NDUFAF6: variants seen among roughly 807,000 people sequenced by gnomAD.
NDUFAF6 encodes the protein NADH dehydrogenase (ubiquinone) complex I, assembly factor 6.
In NDUFAF6, 45 loss-of-function variants were observed where a neutral mutation model predicts 40.8. That is an observed-to-expected ratio of 1.10 (90% confidence interval 0.87 to 1.42). The LOEUF (loss-of-function observed/expected upper bound fraction) is 1.42. Ranked by LOEUF, NDUFAF6 falls within the 40% of genes most tolerant of loss-of-function variation. The pLI is 0.00. For missense variants in NDUFAF6, 435 were observed against 418.5 expected (o/e 1.04, Z -0.34); for synonymous variants, 185 against 155.9 (o/e 1.19, Z -1.39).
chr8:95,054,613 T>C (rs1405483800), intron 8 of NDUFAF6, among the ~76,000 whole-genome samples: 1 of 152,054 alleles, frequency 6.6e-6, no homozygotes, highest in African/African-American at 2.4e-5. Context: ...TTTTATATTT[T>C]TAGTAGAGGA....
chr8:95,089,756 C>T (rs1809188091), intron 2 of NDUFAF6, among the ~76,000 whole-genome samples: 1 of 152,174 alleles, frequency 6.6e-6, no homozygotes, highest in Non-Finnish European at 1.5e-5. Flanking sequence ...GCCCAGTGGT[C>T]ATCTGCACTT....
intron 2 of NDUFAF6, among the ~76,000 whole-genome samples, chr8:94,987,865 T>C (rs1826003205): frequency 6.6e-6 from 1 of 152,260 alleles, no homozygotes; most frequent in African/African-American, 2.4e-5. Context: ...TGGTGTTTAA[T>C]TCCAATGCTT....
At chr8:95,109,688 T>C (rs572343153) in intron 4 of NDUFAF6, among the ~76,000 whole-genome samples, 1 of 152,206 alleles carries the variant, frequency 6.6e-6, no homozygotes, top group African/African-American at 2.4e-5. Context: ...TGACCTCTTC[T>C]TATATCATCA....
chr8:95,100,237 C>T (rs1391770986), upstream of NDUFAF6, among the ~76,000 whole-genome samples: 4 of 149,624 alleles, frequency 2.7e-5, no homozygotes, highest in African/African-American at 9.9e-5. Flanking sequence ...AAGTGATTTC[C>T]TCCTCAGGAT....
At chr8:95,117,036 C>A (rs1445737757), downstream of NDUFAF6, among the ~76,000 whole-genome samples, 1 of 152,162 alleles carries the variant, frequency 6.6e-6, no homozygotes, top group Non-Finnish European at 1.5e-5. Flanking sequence ...TCTCTGCCCT[C>A]AGATGTCAGA....
At position 95,084,328 on chromosome 8, in the gene NDUFAF6, A is replaced by G. The variant is rs192058337; in HGVS notation, n.213+8576A>G. Among the ~76,000 whole-genome samples the G allele has an allele frequency of 5.3e-3, 814 of 152,230 alleles. 6 individuals are homozygous for G. The highest frequency in any genetic ancestry group is 0.019 in the African/African-American group (773 of 41,554). On this transcript the variant is annotated intron_variant and non_coding_transcript_variant, in intron 2 of 5. Transcript: ENST00000523184. ...ATATATATTTCAGTACATATCTCTA[A>G]AAGATAAAGACTTTAAAAAACTACT...
intron 1 of NDUFAF6, chr8:94,958,294 G>A (rs1378983496): frequency 6.6e-6 from 1 of 152,226 alleles, no homozygotes; most frequent in African/African-American, 2.4e-5. Flanking sequence ...TAGTTCTGGA[G>A]GCTGGAAATC....
At chr8:94,926,719 TG>T (rs1455119205) in intron 1 of NDUFAF6, 1 of 152,266 alleles carries the variant, frequency 6.6e-6, no homozygotes, top group African/African-American at 2.4e-5. Context: ...CAAAGGATAC[TG>T]TTGCACATAA....
chr8:95,081,832 C>G (rs1056784664), intron 2 of NDUFAF6, among the ~76,000 whole-genome samples: 1 of 151,386 alleles, frequency 6.6e-6, no homozygotes, highest in Non-Finnish European at 1.5e-5. Flanking sequence ...GAGGCCGAGG[C>G]GAGCGGATCA....
At chr8:94,938,119 C>G (rs141378229) in intron 1 of NDUFAF6, among the ~76,000 whole-genome samples, 17 of 152,300 alleles carry the variant, frequency 1.1e-4, no homozygotes, top group Admixed American at 5.2e-4. Context: ...TTTCTAAGCT[C>G]AGGTATACCA....
At chr8:95,094,666 C>T (rs1360089349) in intron 2 of NDUFAF6, among the ~76,000 whole-genome samples, 2 of 151,466 alleles carry the variant, frequency 1.3e-5, no homozygotes, top group African/African-American at 2.4e-5. Context: ...CTGCCCACCT[C>T]GGCCTCCCAG....
chr8:95,058,482 C>G lies in NDUFAF6; in HGVS notation c.*545C>G. 3.3e-6 allele frequency: 4 copies of G among 1,228,720 alleles called. No homozygotes were observed. The highest frequency in any genetic ancestry group is 3.1e-4 in the Middle Eastern group (1 of 3,196). The allele number at this position is 1,228,720 out of a possible 1,614,324, so 76.1% of individuals were successfully genotyped here. The stretch of plus-strand genomic sequence containing the variant: ...TTTACAATCTTGTGTAAAAATTTAT[C>G]CATGATAATAACATAACTTCTTTAA... On this transcript the variant is annotated 3_prime_UTR_variant, in exon 9 of 9. Transcript: ENST00000396124.
intron 1 of NDUFAF6, among the ~76,000 whole-genome samples, chr8:94,922,365 C>T (rs1819561971): frequency 1.3e-5 from 2 of 151,964 alleles, no homozygotes; most frequent in Admixed American, 6.6e-5. Context: ...GTTGGAGAAC[C>T]ACTGGGTTAG....
intron 2 of NDUFAF6, among the ~76,000 whole-genome samples, chr8:95,010,730 A>T (rs191213233): frequency 7.8e-4 from 114 of 145,442 alleles, no homozygotes; most frequent in African/African-American, 2.7e-3. Flanking sequence ...CAGACTCTTT[A>T]AAAAAAAATC....
chr8:95,047,374 G>A (rs566768015), intron 6 of NDUFAF6, among the ~76,000 whole-genome samples: 1 of 152,240 alleles, frequency 6.6e-6, no homozygotes, highest in East Asian at 1.9e-4. Context: ...ATAGCTTCAT[G>A]TTGATGCCTT....
At chr8:95,088,723 GTGTGTTTTCTTTT>G (rs1439885271) in intron 2 of NDUFAF6, among the ~76,000 whole-genome samples, 1,660 of 77,218 alleles carry the variant, frequency 0.021, 26 homozygotes, top group East Asian at 0.068. Flanking sequence ...GTGTGTGTGT[GTGTGTTTTCTTTT>G]TGTTTTCTTG....
intron 2 of NDUFAF6, among the ~76,000 whole-genome samples, chr8:95,013,096 T>C (rs1179230079): frequency 6.7e-6 from 1 of 149,762 alleles, no homozygotes; most frequent in Non-Finnish European, 1.5e-5. Flanking sequence ...GGTTTCTTTT[T>C]CTTCTTCTCC....
At chr8:94,946,059 T>G (rs1398678404) in intron 2 of NDUFAF6, among the ~76,000 whole-genome samples, 1 of 151,852 alleles carries the variant, frequency 6.6e-6, no homozygotes. Flanking sequence ...TAAGTATTAT[T>G]CCATTGCCTT....
intron 1 of NDUFAF6, among the ~76,000 whole-genome samples, chr8:94,965,626 G>C (rs1285676945): frequency 6.6e-6 from 1 of 152,198 alleles, no homozygotes; most frequent in Non-Finnish European, 1.5e-5. Flanking sequence ...AGGAAAGCGA[G>C]GTCACGGTTC....
Sources: allele counts gnomAD v4.1 joint callset (sites outside exome capture counted in the v4.1 genomes callset), GRCh38; gene constraint gnomAD v4.1.1; transcripts MANE v1.5; gene names NCBI Gene and HGNC (gene_info 2026-07-23, HGNC 2026-07-21).